The following GRM8 variants were observed in gnomAD, a reference collection of about 807,000 sequenced individuals.
GRM8 encodes metabotropic glutamate receptor 8.
Under a neutral mutation model 87.2 loss-of-function variants are expected in GRM8, and 47 were observed. The observed-to-expected ratio is 0.54, with a 90% CI of 0.43 to 0.69. The LOEUF (loss-of-function observed/expected upper bound fraction) is 0.69. GRM8 is among the 30% of genes least tolerant of loss of function. GRM8 has a pLI of 0.00. For missense variants in GRM8, 1,019 were observed against 1,139.2 expected (o/e 0.89, Z 1.52); for synonymous variants, 396 against 404.5 (o/e 0.98, Z 0.25).
At chr7:126,893,062 A>T (rs901526885) in intron 6 of GRM8, among the ~76,000 whole-genome samples, 1 of 152,078 alleles carries the variant, frequency 6.6e-6, no homozygotes, top group Non-Finnish European at 1.5e-5. Context: ...GACATTTTCC[A>T]TTATGTACTC....
intron 3 of GRM8, among the ~76,000 whole-genome samples, chr7:127,043,618 G>A (rs1346093811): frequency 6.6e-6 from 1 of 152,160 alleles, no homozygotes; most frequent in African/African-American, 2.4e-5. Context: ...CTGTTGTAGG[G>A]TGTGGGGAGC....
chr7:126,603,490 T>C (rs1031585076), intron 8 of GRM8, among the ~76,000 whole-genome samples: 2 of 151,632 alleles, frequency 1.3e-5, no homozygotes, highest in East Asian at 3.9e-4. Context: ...GAAAACCCCA[T>C]TGTCTCAGCC....
At chr7:127,194,230 A>G (rs1406618891) in intron 2 of GRM8, among the ~76,000 whole-genome samples, 2 of 152,258 alleles carry the variant, frequency 1.3e-5, no homozygotes, top group Non-Finnish European at 2.9e-5. Flanking sequence ...TTGGAGTCCA[A>G]CAAACCAAGG....
chr7:126,688,327 T>G (rs1023914843), intron 7 of GRM8, among the ~76,000 whole-genome samples: 3 of 152,170 alleles, frequency 2.0e-5, no homozygotes, highest in Non-Finnish European at 4.4e-5. Flanking sequence ...AGCAAGGATC[T>G]CTATGCAAAA....
intron 7 of GRM8, among the ~76,000 whole-genome samples, chr7:126,610,710 T>C (rs528906802): frequency 6.6e-6 from 1 of 152,348 alleles, no homozygotes; most frequent in African/African-American, 2.4e-5. Flanking sequence ...AAAAACACAG[T>C]AACCTGTAAA....
chr7:127,134,158 C>T (rs1304159843), intron 2 of GRM8, among the ~76,000 whole-genome samples: 1 of 152,156 alleles, frequency 6.6e-6, no homozygotes, highest in Non-Finnish European at 1.5e-5. Context: ...GCATTAGCTG[C>T]TATGATTATA....
chr7:127,096,573 A>G (rs1261631282), intron 3 of GRM8, among the ~76,000 whole-genome samples: 1 of 151,096 alleles, frequency 6.6e-6, no homozygotes, highest in Non-Finnish European at 1.5e-5. Flanking sequence ...AAAAAAAAAA[A>G]TACAAATTGA....
At chr7:126,594,963 G>A (rs1040789217) in intron 8 of GRM8, among the ~76,000 whole-genome samples, 31 of 151,932 alleles carry the variant, frequency 2.0e-4, no homozygotes, top group African/African-American at 6.8e-4. Flanking sequence ...CTATTTTACA[G>A]GTGTCCTTTA....
chr7:126,656,797 G>A (rs917063487), intron 7 of GRM8, among the ~76,000 whole-genome samples: 1 of 152,188 alleles, frequency 6.6e-6, no homozygotes, highest in African/African-American at 2.4e-5. Context: ...TCACAGAGTA[G>A]CTGTGTTTAT....
chr7:126,896,222 A>G (rs1801528514), intron 6 of GRM8, among the ~76,000 whole-genome samples: 1 of 151,320 alleles, frequency 6.6e-6, no homozygotes, highest in Admixed American at 6.6e-5. Context: ...GTCATCTCAG[A>G]TGGATCTATT....
chr7:127,021,406 C>A (rs921281158), intron 3 of GRM8, among the ~76,000 whole-genome samples: 2 of 150,336 alleles, frequency 1.3e-5, no homozygotes, highest in Non-Finnish European at 3.0e-5. Context: ...GTTGTTTTCT[C>A]TCCTTGGTAA....
chr7:127,052,055 G>C (rs759839972), intron 3 of GRM8, among the ~76,000 whole-genome samples: 56 of 152,090 alleles, frequency 3.7e-4, no homozygotes, highest in Non-Finnish European at 7.5e-4. Flanking sequence ...TATATGACTT[G>C]ATGTATTTTT....
intron 3 of GRM8, among the ~76,000 whole-genome samples, chr7:126,979,567 C>A (rs901904359): frequency 1.5e-4 from 23 of 152,250 alleles, no homozygotes; most frequent in African/African-American, 5.5e-4. Flanking sequence ...TCATGTGGTA[C>A]AAAGAAAGGT....
chr7:126,441,270 A>G (rs942719048), intron 10 of GRM8, among the ~76,000 whole-genome samples: 3 of 152,090 alleles, frequency 2.0e-5, no homozygotes, highest in African/African-American at 7.2e-5. Context: ...TCAAAAGGAG[A>G]CAAATGAAGA....
At chr7:126,766,632 A>G (rs1326594927) in intron 7 of GRM8, among the ~76,000 whole-genome samples, 1 of 152,150 alleles carries the variant, frequency 6.6e-6, no homozygotes, top group Non-Finnish European at 1.5e-5. Context: ...GGCAATAGCT[A>G]GGCTAAAAAC....
chr7:126,937,312 G>A (rs936189483), intron 3 of GRM8, among the ~76,000 whole-genome samples: 1 of 152,102 alleles, frequency 6.6e-6, no homozygotes, highest in African/African-American at 2.4e-5. Context: ...TAAATCAAAA[G>A]GTAGTTAAAA....
intron 7 of GRM8, among the ~76,000 whole-genome samples, chr7:126,670,065 A>C (rs1456101987): frequency 6.6e-6 from 1 of 152,234 alleles, no homozygotes; most frequent in Non-Finnish European, 1.5e-5. Context: ...GCTCCTTAAC[A>C]AAATTCAAAA....
intron 6 of GRM8, among the ~76,000 whole-genome samples, chr7:126,886,364 A>T (rs1800501058): frequency 6.6e-6 from 1 of 152,120 alleles, no homozygotes; most frequent in Admixed American, 6.6e-5. Context: ...ACTGCTACAC[A>T]TTTTCAATTT....
chr7:126,616,606 C>T (rs1204061348), intron 7 of GRM8, among the ~76,000 whole-genome samples: 1 of 151,968 alleles, frequency 6.6e-6, no homozygotes, highest in African/African-American at 2.4e-5. Flanking sequence ...TTGAAAAGAT[C>T]AACAAAATTG....
Sources: gnomAD v4.1 joint callset for allele counts (sites outside exome capture counted in the v4.1 genomes callset) on GRCh38, gnomAD v4.1.1 for gene constraint, MANE v1.5 for transcripts, NCBI Gene and HGNC (gene_info 2026-07-23, HGNC 2026-07-21) for gene names.